UBE3A: variants seen among roughly 807,000 people sequenced by gnomAD.
UBE3A encodes ubiquitin-protein ligase E3A.
UBE3A carries 6 observed loss-of-function variants against 83.4 expected under a neutral mutation model. That is an observed-to-expected ratio of 0.07 (90% CI 0.04 to 0.14). The LOEUF is 0.14. Ranked by LOEUF, UBE3A falls within the 10% of genes least tolerant of loss-of-function variation. The probability of loss-of-function intolerance (pLI) is 1.00; values close to 1 mark genes in which losing one functional copy is unlikely to be tolerated. For synonymous variants in UBE3A, 337 were observed against 355.4 expected, an observed-to-expected ratio of 0.95 and a Z score of 0.58; for missense variants, 456 against 1,036.1, an observed-to-expected ratio of 0.44 and a Z score of 7.69.
At chr15:25,355,175 A>G (rs12907375) in intron 9 of UBE3A, among the ~76,000 whole-genome samples, 58,193 of 151,970 alleles carry the variant, frequency 0.38, 14,869 homozygotes, top group African/African-American at 0.74. Context: ...AGAGTACAAT[A>G]TATTTGATTT....
rs1346583288 is a variant in UBE3A, at chr15:25,360,474, C to T, written c.1662G>A (p.Val554=). The change falls in exon 7 of 13, where the codon GTG becomes GTA. Residue 554 remains valine (V), a synonymous_variant. Transcript: ENST00000648336. ...NPADLKKQLY[V]EFEGEQGVDE... The stretch of plus-strand genomic sequence containing the variant: ...CAACTCCTTGTTCTCCTTCAAATTC[C>T]ACATACAACTGCTTCTTCAAGTCTG... 1.2e-6 allele frequency: 2 copies of T among 1,613,842 alleles called. No homozygotes were observed. The highest frequency in any genetic ancestry group is 1.1e-5 in the South Asian group (1 of 91,082).
chr15:25,430,166 T>A (rs1892893444), intron 1 of UBE3A, among the ~76,000 whole-genome samples: 1 of 17,112 alleles, frequency 5.8e-5, no homozygotes, highest in Non-Finnish European at 9.0e-5. Flanking sequence ...TATATAAGAT[T>A]ATATATATAT....
chr15:25,370,722 G>A lies in UBE3A; in HGVS notation c.1452C>T (p.Val484=), dbSNP rs745758976. The change falls in exon 6 of 13, where the codon GTC becomes GTT. Residue 484 remains valine (V), a synonymous_variant. Coordinates refer to ENST00000648336, the MANE Select transcript of UBE3A (RefSeq NM_130839.5). This position sits in a 1 kb window ranked among gnomAD's most constrained non-coding sequence, Gnocchi z 4.2. Reference sequence around the variant, plus strand: ...CATAATATAATCCCAAATTCTTTGTGACAGCATTCAATATAAAGGGACATG... The same window carrying A: ...CATAATATAATCCCAAATTCTTTGTAACAGCATTCAATATAAAGGGACATG... The part of the protein sequence containing the change: ...FMTCPFILNA[V]TKNLGLYYDN... The A allele has an allele frequency of 6.2e-7, 1 of 1,613,908 alleles. No homozygotes were observed. Among genetic ancestry groups the A allele is most frequent in the African/African-American group, 1.3e-5 (1 of 74,906 alleles).
intron 1 of UBE3A, among the ~76,000 whole-genome samples, chr15:25,425,218 CAT>C (rs1388563189): frequency 6.6e-6 from 1 of 152,070 alleles, no homozygotes; most frequent in Non-Finnish European, 1.5e-5. Flanking sequence ...CAAAAGGACA[CAT>C]ACTGTATGAT....
rs528089763 is a variant in UBE3A, at chr15:25,341,171, G to A, written c.2355-943C>T. ...TGCAAGCTCCGCCTCCTGGGTTCGC[G>A]CCATTGTCCTGCCTCAGCCTCCCAA... On this transcript the variant is annotated intron_variant, in intron 11 of 12. Coordinates refer to ENST00000648336, the MANE Select transcript of UBE3A (RefSeq NM_130839.5). 5.9e-5 allele frequency among the ~76,000 whole-genome samples: 9 copies of A among 151,748 alleles called. No homozygotes were observed. The South Asian group carries it at 1.7e-3, about 28-fold the overall frequency.
rs1452732157 is a variant in UBE3A at position 25,371,202 on chromosome 15, C to T, written c.972G>A (p.Leu324=). 6.2e-7 allele frequency: 1 copy of T among 1,614,072 alleles called. No individual in the cohort carries two copies. Among genetic ancestry groups the T allele is most frequent in the African/African-American group, 1.3e-5 (1 of 74,936 alleles). The stretch of plus-strand genomic sequence containing the variant: ...TCTGGTCTGCATTGTATTTAGACCA[C>T]AGTCTGATCAGTTTTCCTTGGGCTG... The part of the protein sequence containing the change: ...PLAAQGKLIR[L]WSKYNADQIR... The change falls in exon 6 of 13, where the codon CTG becomes CTA. Residue 324 remains leucine (L), a synonymous_variant. Transcript: ENST00000648336. This position sits in a 1 kb window ranked among gnomAD's most constrained non-coding sequence, Gnocchi z 5.3.
chr15:25,437,976 C>G (rs1283951954), intron 1 of UBE3A: 4 of 152,354 alleles, frequency 2.6e-5, no homozygotes, highest in African/African-American at 9.6e-5. Flanking sequence ...GTAACCTGTG[C>G]GCACAACCCT....
intron 1 of UBE3A, among the ~76,000 whole-genome samples, chr15:25,436,781 A>G (rs1312328744): frequency 1.3e-5 from 2 of 152,188 alleles, no homozygotes; most frequent in Non-Finnish European, 2.9e-5. Context: ...GGCAGAATTT[A>G]GGACAGATAA....
At chr15:25,401,527 T>A (rs758046134) in intron 4 of UBE3A, among the ~76,000 whole-genome samples, 1 of 152,152 alleles carries the variant, frequency 6.6e-6, no homozygotes, top group Non-Finnish European at 1.5e-5. Flanking sequence ...CTTGGACAAG[T>A]TGCATGTGTC....
At chr15:25,389,784 A>C (rs1028290924) in intron 4 of UBE3A, among the ~76,000 whole-genome samples, 4 of 152,150 alleles carry the variant, frequency 2.6e-5, no homozygotes, top group Admixed American at 2.6e-4. Flanking sequence ...GCTACTCGGG[A>C]GGCTGACGCA....
intron 2 of UBE3A, 25 bp downstream of exon 2, chr15:25,411,883 T>A (rs545501191): frequency 6.6e-6 from 1 of 152,156 alleles, no homozygotes; most frequent in Non-Finnish European, 1.5e-5. Flanking sequence ...CAATACGAAT[T>A]CCAAAAAATA....
In UBE3A at chr15:25,429,592, T is replaced by C. The variant is rs1445707905; in HGVS notation, c.-165+8897A>G. Among the ~76,000 whole-genome samples the C allele has an allele frequency of 2.0e-5, 3 of 152,130 alleles. No individual in the cohort carries two copies. In the East Asian group the frequency reaches 5.8e-4, roughly 29 times the overall value. ...GGCTGGACGCAGTGGCTCATGTCTATAATCCCAGCACTTTGGGACGCCAAG... is the reference window on the plus strand; with the variant it reads ...GGCTGGACGCAGTGGCTCATGTCTACAATCCCAGCACTTTGGGACGCCAAG... On this transcript the variant is annotated intron_variant, in intron 1 of 12. Coordinates refer to ENST00000648336, the MANE Select transcript of UBE3A (RefSeq NM_130839.5).
chr15:25,427,937 A>G (rs750511903), intron 1 of UBE3A, among the ~76,000 whole-genome samples: 1 of 152,182 alleles, frequency 6.6e-6, no homozygotes, highest in East Asian at 1.9e-4. Context: ...ATTTGCAGGA[A>G]CACGGATGGA....
At chr15:25,417,767 CCAAA>C (rs1332547690) in intron 1 of UBE3A, among the ~76,000 whole-genome samples, 1 of 151,436 alleles carries the variant, frequency 6.6e-6, no homozygotes, top group African/African-American at 2.4e-5. Context: ...GTGGATAATA[CCAAA>C]CAGTCTAACA....
In UBE3A at chr15:25,415,161, AC is replaced by A. The variant is rs199777658; in HGVS notation, c.-164-3191del. Among the ~76,000 whole-genome samples the A allele has an allele frequency of 1.1e-4, 17 of 152,124 alleles. No individual in the cohort carries two copies. In the East Asian group the frequency reaches 3.3e-3, roughly 29 times the overall value. ...TCCTTTTTTCCTCAAACTTACCAAC[AC>A]TGTCCTACTACAGTGCCCCATTATT... On this transcript the variant is annotated intron_variant, in intron 1 of 12. Transcript: ENST00000648336.
At chr15:25,424,889 C>A (rs1394300989) in intron 1 of UBE3A, among the ~76,000 whole-genome samples, 2 of 152,054 alleles carry the variant, frequency 1.3e-5, no homozygotes, top group South Asian at 4.2e-4. Flanking sequence ...GGAAAGATAT[C>A]CCATGCTCAT....
intron 4 of UBE3A, among the ~76,000 whole-genome samples, chr15:25,386,707 G>C (rs951458718): frequency 4.7e-5 from 7 of 150,340 alleles, no homozygotes; most frequent in African/African-American, 1.7e-4. Context: ...AAGCCAGAGG[G>C]AAAAAATCAC....
chr15:25,380,851 T>G (rs537755227), intron 4 of UBE3A, among the ~76,000 whole-genome samples: 1 of 152,344 alleles, frequency 6.6e-6, no homozygotes, highest in Non-Finnish European at 1.5e-5. Flanking sequence ...GACCTTCTAG[T>G]AAAAGTCCTC....
chr15:25,396,452 A>T (rs1049790709), intron 4 of UBE3A, among the ~76,000 whole-genome samples: 1 of 151,210 alleles, frequency 6.6e-6, no homozygotes, highest in Non-Finnish European at 1.5e-5. Flanking sequence ...CAAAAAACAA[A>T]CAAACAAACA....
Sources: allele counts gnomAD v4.1 joint callset (sites outside exome capture counted in the v4.1 genomes callset), GRCh38; gene constraint gnomAD v4.1.1; non-coding constraint Gnocchi (gnomAD v3.1); transcripts MANE v1.5; gene names NCBI Gene and HGNC (gene_info 2026-07-23, HGNC 2026-07-21).